LIM2: variants seen among roughly 807,000 people sequenced by gnomAD.
LIM2 encodes the protein lens intrinsic membrane protein 2.
A neutral mutation model predicts 19.0 loss-of-function variants in LIM2; 14 were observed. The observed-to-expected ratio is 0.74, with a 90% CI of 0.49 to 1.15. The LOEUF is 1.15. Ranked by LOEUF, LIM2 falls within the 50% of genes most tolerant of loss-of-function variation. The pLI is 0.00. For synonymous variants in LIM2, 78 were observed against 89.6 expected (o/e 0.87, Z 0.73); for missense variants, 230 against 243.5 (o/e 0.94, Z 0.37).
At position 51,382,503 on chromosome 19, in the gene LIM2, G is replaced by A; in HGVS notation, c.240C>T (p.Ile80=). Residue 80 remains isoleucine, a synonymous_variant, in exon 3 of 5, where the codon ATC becomes ATT. Coordinates refer to ENST00000596399, the MANE Select transcript of LIM2 (RefSeq NM_001161748.2). ...LSALCAISGI[I]MGIMAFAHQP... ...GATGAGCGAAGGCCATGATGCCCAT[G>A]ATGATGCCGGAGATGGCGCATAGGG... 6.2e-7 allele frequency: 1 copy of A among 1,614,042 alleles called. No individual in the cohort carries two copies. The highest frequency in any genetic ancestry group is 8.5e-7 in the Non-Finnish European group (1 of 1,179,952).
chr19:51,384,742 A>T (rs1986986611), intron 2 of LIM2, among the ~76,000 whole-genome samples: 1 of 152,094 alleles, frequency 6.6e-6, no homozygotes, highest in Non-Finnish European at 1.5e-5. Flanking sequence ...TTTTTATGGC[A>T]TCCCTAGCAC....
At chr19:51,382,645 G>C (rs1568480911) in intron 2 of LIM2, 78 bp from the exon 3 acceptor site, 1 of 1,589,430 alleles carries the variant, frequency 6.3e-7, no homozygotes. Context: ...AGATGAAAAT[G>C]CCTTGCCCCT....
intron 2 of LIM2, among the ~76,000 whole-genome samples, chr19:51,385,225 C>T (rs1043960153): frequency 6.6e-6 from 1 of 151,538 alleles, no homozygotes; most frequent in Non-Finnish European, 1.5e-5. Context: ...AAAATCAAAT[C>T]AAATGAAATA....
chr19:51,382,649 T>C (rs1458839223), intron 2 of LIM2, 82 bp from the exon 3 acceptor site: 5 of 1,586,356 alleles, frequency 3.2e-6, no homozygotes, highest in Non-Finnish European at 3.5e-6. Flanking sequence ...GAAAATGCCT[T>C]GCCCCTTTCC....
intron 2 of LIM2, among the ~76,000 whole-genome samples, chr19:51,384,491 C>T (rs1455092013): frequency 6.6e-6 from 1 of 152,138 alleles, no homozygotes; most frequent in African/African-American, 2.4e-5. Flanking sequence ...AATCTGGACA[C>T]AGACATGCTT....
intron 1 of LIM2, 73 bp downstream of exon 1, chr19:51,387,843 GAGA>G (rs1987124239): frequency 8.0e-6 from 2 of 251,326 alleles, no homozygotes; most frequent in Non-Finnish European, 1.6e-5. Context: ...CAGGTCCTGG[GAGA>G]AGAAGGAGCT....
At chr19:51,380,727 A>G (rs1425622476) in intron 3 of LIM2, 88 bp from the exon 4 acceptor site, 4 of 1,508,240 alleles carry the variant, frequency 2.7e-6, no homozygotes, top group Non-Finnish European at 3.6e-6. Flanking sequence ...GGGGGTGGGA[A>G]CTAAGATTGG....
At position 51,380,595 on chromosome 19, in the gene LIM2, C is replaced by T. The variant is rs777503811; in HGVS notation, c.370G>A (p.Val124Ile). Residue 124 changes from valine to isoleucine, a missense_variant, in exon 4 of 5, where the codon GTC (valine) becomes ATC (isoleucine). Transcript: ENST00000596399. ...LALAIYTGVT[V>I]SFLGRRFGDW... ...CCAAAGCGGCGGCCCAGGAAGCTGA[C>T]GGTGACTCCAGTGTAGATGGCCAAG... The T allele has an allele frequency of 2.5e-5, 41 of 1,614,014 alleles. No homozygotes were observed. Among genetic ancestry groups the T allele is most frequent in the South Asian group, 3.3e-5 (3 of 91,092 alleles).
In LIM2 at chr19:51,380,474, C is replaced by T. The variant is rs764490593; in HGVS notation, c.460+31G>A. 2.5e-6 allele frequency: 4 copies of T among 1,614,008 alleles called. No individual in the cohort carries two copies. The Admixed American group carries it at 6.7e-5, about 27-fold the overall frequency. The stretch of plus-strand genomic sequence containing the variant: ...TATCTGCTGCCCACTCTGCCCCAGG[C>T]ACTGACCTTCCCACCCCTTGCCCCC... On this transcript the variant is annotated intron_variant, in intron 4 of 4. Coordinates refer to ENST00000596399, the MANE Select transcript of LIM2 (RefSeq NM_001161748.2).
intron 4 of LIM2, 106 bp from the exon 5 acceptor site, chr19:51,380,368 C>A (rs1057245798): frequency 6.4e-7 from 1 of 1,568,866 alleles, no homozygotes; most frequent in Non-Finnish European, 8.8e-7. Flanking sequence ...GTATCCCCGA[C>A]CCCAGACTCC....
intron 2 of LIM2, among the ~76,000 whole-genome samples, chr19:51,382,871 G>C (rs979701511): frequency 2.0e-5 from 3 of 151,868 alleles, no homozygotes; most frequent in Admixed American, 2.0e-4. Context: ...GAAGACAGGC[G>C]GTGGGTTGGT....
chr19:51,385,311 C>T (rs1054533567), intron 2 of LIM2, among the ~76,000 whole-genome samples: 8 of 152,168 alleles, frequency 5.3e-5, no homozygotes. Context: ...CACCTGAGGT[C>T]AGGAGTTCGA....
At position 51,386,487 on chromosome 19, in the gene LIM2, ATATAATATATTG is replaced by A. The variant is rs1304402117; in HGVS notation, c.175+770_175+781del. Among the ~76,000 whole-genome samples, 163 of 148,274 alleles carry A rather than the reference ATATAATATATTG, an allele frequency of 1.1e-3. 2 individuals are homozygous for A. The highest frequency in any genetic ancestry group is 3.8e-3 in the African/African-American group (156 of 40,774). ...ATATACTCTACATTATTAATTTATT[ATATAATATATTG>A]TATAATATATACATTATTAATTTAT... On this transcript the variant is annotated intron_variant, in intron 2 of 4. Coordinates refer to ENST00000596399, the MANE Select transcript of LIM2 (RefSeq NM_001161748.2).
At chr19:51,382,622 G>T in intron 2 of LIM2, 55 bp from the exon 3 acceptor site, 1 of 1,607,574 alleles carries the variant, frequency 6.2e-7, no homozygotes. Context: ...AGTGAGAGAT[G>T]CTGCTACCTC....
rs1986868576 is a variant in LIM2 at position 51,380,554 on chromosome 19, G to T, written c.411C>A (p.Ser137=). The T allele has an allele frequency of 6.2e-7, 1 of 1,614,194 alleles. No homozygotes were observed. The highest frequency in any genetic ancestry group is 8.5e-7 in the Non-Finnish European group (1 of 1,180,040). Reference sequence around the variant, plus strand: ...CCACCCAGCCCAGGATGTAGGACCAGGAAAAGCGCCAGTCCCCAAAGCGGC... The same window carrying T: ...CCACCCAGCCCAGGATGTAGGACCATGAAAAGCGCCAGTCCCCAAAGCGGC... The part of the protein sequence containing the change: ...LGRRFGDWRF[S]WSYILGWVAV... The change falls in exon 4 of 5, where the codon TCC becomes TCA. Residue 137 remains serine (S), a synonymous_variant. Transcript: ENST00000596399.
In LIM2 at chr19:51,387,431, T is replaced by G. The variant is rs771294360; in HGVS notation, c.13A>C (p.Met5Leu). The G allele has an allele frequency of 6.2e-7, 1 of 1,613,778 alleles. No individual in the cohort carries two copies. Among genetic ancestry groups the G allele is most frequent in the South Asian group, 1.1e-5 (1 of 91,050 alleles). The change falls in exon 2 of 5, where the codon ATG becomes CTG. Residue 5 changes from methionine to leucine, a missense_variant. Physicochemically the swap from Met to Leu is conservative, Grantham distance 15 (BLOSUM62 2). Transcript: ENST00000596399. Reference protein sequence around the residue: MYSFMGGGLFCAWVG... With the variant: MYSFLGGGLFCAWVG... ...CAGGCACAGAACAGGCCACCACCCATGAAGCTGTACATGGTGATCTGTGGG... is the reference window on the plus strand; with the variant it reads ...CAGGCACAGAACAGGCCACCACCCAGGAAGCTGTACATGGTGATCTGTGGG...
chr19:51,382,194 G>A lies in LIM2; in HGVS notation c.325+224C>T, dbSNP rs555235418. Among the ~76,000 whole-genome samples, 3 of 152,224 alleles carry A rather than the reference G, an allele frequency of 2.0e-5. No homozygotes were observed. The South Asian group carries it at 6.2e-4, about 32-fold the overall frequency. ...CCTGTGGAGTCAAACACAAATTTTA[G>A]GTGATTCATGCCAGAACTGAACTGT... On this transcript the variant is annotated intron_variant, in intron 3 of 4. Coordinates refer to ENST00000596399, the MANE Select transcript of LIM2 (RefSeq NM_001161748.2).
At chr19:51,385,904 C>T (rs1987028275) in intron 2 of LIM2, among the ~76,000 whole-genome samples, 1 of 152,192 alleles carries the variant, frequency 6.6e-6, no homozygotes, top group African/African-American at 2.4e-5. Flanking sequence ...CTTAGCTCTT[C>T]TTCTCAGCTA....
rs200769189 is a variant in LIM2, at chr19:51,387,429, C to A, written c.15G>T (p.Met5Ile). 2.9e-5 allele frequency: 46 copies of A among 1,613,992 alleles called. No homozygotes were observed. The East Asian group carries it at 1.0e-3, about 36-fold the overall frequency. Residue 5 changes from methionine to isoleucine, a missense_variant, in exon 2 of 5, where the codon ATG (methionine) becomes ATT (isoleucine). Physicochemically the swap from Met to Ile is conservative, Grantham distance 10. Coordinates refer to ENST00000596399, the MANE Select transcript of LIM2 (RefSeq NM_001161748.2). The part of the protein sequence containing the change: MYSF[M>I]GGGLFCAWVG... ...CCCAGGCACAGAACAGGCCACCACC[C>A]ATGAAGCTGTACATGGTGATCTGTG...
Sources: allele counts gnomAD v4.1 joint callset (sites outside exome capture counted in the v4.1 genomes callset), GRCh38; gene constraint gnomAD v4.1.1; transcripts MANE v1.5; gene names NCBI Gene and HGNC (gene_info 2026-07-23, HGNC 2026-07-21).